PALD1: variants seen among roughly 807,000 people sequenced by gnomAD.
PALD1 encodes the protein paladin.
A neutral mutation model predicts 96.0 loss-of-function variants in PALD1; 57 were observed. The ratio of observed to expected loss-of-function variants is 0.59; its 90% confidence interval spans 0.48 to 0.74. The LOEUF is 0.74. PALD1 is among the 30% of genes least tolerant of loss of function. The pLI is 0.00. For missense variants in PALD1, 1,063 were observed against 1,143.7 expected (o/e 0.93, Z 1.02); for synonymous variants, 464 against 473.6 (o/e 0.98, Z 0.26).
chr10:70,500,176 C>T (rs1157262040), intron 1 of PALD1, among the ~76,000 whole-genome samples: 1 of 152,168 alleles, frequency 6.6e-6, no homozygotes, highest in African/African-American at 2.4e-5. Flanking sequence ...TACCTTGGCA[C>T]GTGGTACTAT....
chr10:70,548,514 C>G (rs1847412918), intron 18 of PALD1, among the ~76,000 whole-genome samples: 1 of 152,286 alleles, frequency 6.6e-6, no homozygotes, highest in East Asian at 1.9e-4. Flanking sequence ...TTCTGTTCCT[C>G]TCTGGCCCAT....
the PALD1 span, among the ~76,000 whole-genome samples, chr10:70,467,370 G>A: frequency 6.6e-6 from 1 of 151,582 alleles, no homozygotes; most frequent in Non-Finnish European, 1.5e-5. Flanking sequence ...GCAGTCCCCC[G>A]GGAGGAGGTA....
chr10:70,549,801 A>G (rs965319205), intron 18 of PALD1, among the ~76,000 whole-genome samples: 2 of 152,138 alleles, frequency 1.3e-5, no homozygotes, highest in African/African-American at 4.8e-5. Context: ...GGCATTGGAG[A>G]AGGAAGGTGG....
intron 18 of PALD1, among the ~76,000 whole-genome samples, chr10:70,557,814 G>A (rs1847640547): frequency 6.6e-6 from 1 of 152,164 alleles, no homozygotes; most frequent in Admixed American, 6.5e-5. Context: ...TCTGTTGAGT[G>A]GGTGAGCGAG....
upstream of PALD1, among the ~76,000 whole-genome samples, chr10:70,478,258 G>T (rs545261032): frequency 1.3e-5 from 2 of 152,338 alleles, no homozygotes; most frequent in East Asian, 3.9e-4. Context: ...CACGTGGGAG[G>T]CAAAAGTGCA....
intron 17 of PALD1, among the ~76,000 whole-genome samples, chr10:70,546,857 A>C (rs956699808): frequency 1.3e-5 from 2 of 152,188 alleles, no homozygotes; most frequent in Non-Finnish European, 2.9e-5. Flanking sequence ...AGGCTGGGGT[A>C]GGAGGATCAC....
chr10:70,537,756 A>C, intron 10 of PALD1, 55 bp from the exon 11 acceptor site: 1 of 1,209,046 alleles, frequency 8.3e-7, no homozygotes, highest in South Asian at 1.2e-5. Flanking sequence ...AGGGATGGGG[A>C]CAGGGACAAG....
chr10:70,561,803 G>T lies in PALD1; in HGVS notation c.2263-2561G>T, dbSNP rs372586946. Among the ~76,000 whole-genome samples the T allele has an allele frequency of 9.1e-4, 138 of 152,208 alleles. 3 individuals are homozygous for T. In the South Asian group the frequency reaches 0.028, roughly 30 times the overall value. On this transcript the variant is annotated intron_variant, in intron 18 of 19. Coordinates refer to ENST00000263563, the MANE Select transcript of PALD1 (RefSeq NM_014431.3). ...TTCCCTGGGGACTCACCTCATTCTCGGGCCCCCTTCCTGCCTTTCATGCCC... is the reference window on the plus strand; with the variant it reads ...TTCCCTGGGGACTCACCTCATTCTCTGGCCCCCTTCCTGCCTTTCATGCCC...
chr10:70,469,688 G>A, the PALD1 span, among the ~76,000 whole-genome samples: 2 of 152,036 alleles, frequency 1.3e-5, no homozygotes, highest in African/African-American at 4.8e-5. Context: ...ACTGAGTCAG[G>A]TCATGAGTTC....
At position 70,566,738 on chromosome 10, in the gene PALD1, C is replaced by T. The variant is rs763192416; in HGVS notation, c.*5C>T. 1.5e-5 allele frequency: 24 copies of T among 1,571,704 alleles called. No homozygotes were observed. In the Middle Eastern group the frequency reaches 5.9e-4, roughly 39 times the overall value. On this transcript the variant is annotated 3_prime_UTR_variant, in exon 20 of 20. Coordinates refer to ENST00000263563, the MANE Select transcript of PALD1 (RefSeq NM_014431.3). ...GCCCCCGAGGACTTGCTGTAGGGGG[C>T]CTTACTCCCTGTCCCCCCACCCACA...
At chr10:70,489,747 CCA>C (rs1564682581) in intron 1 of PALD1, among the ~76,000 whole-genome samples, 2 of 152,056 alleles carry the variant, frequency 1.3e-5, no homozygotes, top group Non-Finnish European at 2.9e-5. Context: ...TGTTGTCTCA[CCA>C]CAGTCTAATT....
intron 18 of PALD1, among the ~76,000 whole-genome samples, chr10:70,550,450 A>T (rs1589215397): frequency 6.6e-6 from 1 of 152,142 alleles, no homozygotes; most frequent in Non-Finnish European, 1.5e-5. Flanking sequence ...GCTGGCGGGG[A>T]CCACACTAGG....
chr10:70,534,018 A>G lies in PALD1; in HGVS notation c.967A>G (p.Met323Val). The change falls in exon 8 of 20, where the codon ATG becomes GTG. Residue 323 changes from methionine (M) to valine (V), a missense_variant. Transcript: ENST00000263563. ...GGGCGTGGGCAGGACCAACCTGGGC[A>G]TGGTCCTGGGCACCCTCATCCTGCT... Reference protein sequence around the residue: ...QMGVGRTNLGMVLGTLILLHR... With the variant: ...QMGVGRTNLGVVLGTLILLHR... 6.2e-7 allele frequency: 1 copy of G among 1,613,004 alleles called. No individual in the cohort carries two copies. The highest frequency in any genetic ancestry group is 8.5e-7 in the Non-Finnish European group (1 of 1,179,542).
chr10:70,497,020 C>A (rs1448332366), intron 1 of PALD1, among the ~76,000 whole-genome samples: 1 of 42,516 alleles, frequency 2.4e-5, no homozygotes, highest in Non-Finnish European at 1.5e-4. Flanking sequence ...ATTTCCAAGT[C>A]TCGTTTCACT....
intron 1 of PALD1, among the ~76,000 whole-genome samples, chr10:70,495,421 C>T (rs1004838851): frequency 6.6e-5 from 10 of 151,160 alleles, no homozygotes; most frequent in Non-Finnish European, 1.3e-4. Flanking sequence ...GTCAGTACTT[C>T]GCAGCTGTTT....
intron 1 of PALD1, among the ~76,000 whole-genome samples, chr10:70,507,192 G>A (rs1347469742): frequency 1.3e-5 from 2 of 151,534 alleles, no homozygotes; most frequent in African/African-American, 4.9e-5. Context: ...ACCTGAGATC[G>A]GGAGTTCAAG....
chr10:70,504,302 G>A (rs1846348068), intron 1 of PALD1, among the ~76,000 whole-genome samples: 1 of 152,178 alleles, frequency 6.6e-6, no homozygotes, highest in African/African-American at 2.4e-5. Context: ...TGAGGTGGGT[G>A]GATCACCTGA....
Position 70,539,341 on chromosome 10 carries a change from G to C in PALD1, c.1725+94G>C. On this transcript the variant is annotated intron_variant, in intron 14 of 19. Coordinates refer to ENST00000263563, the MANE Select transcript of PALD1 (RefSeq NM_014431.3). This position sits in a 1 kb window ranked among gnomAD's most constrained non-coding sequence, Gnocchi z 4.5. ...AGAAGGCCTCACACTCCCGCAGACA[G>C]ATGGAGAATCTGAGGCCCCGGGAGG... is the stretch of plus-strand genomic sequence containing the variant. 2 of 1,321,470 alleles carry C rather than the reference G, an allele frequency of 1.5e-6. No individual in the cohort carries two copies. The highest frequency in any genetic ancestry group is 2.0e-6 in the Non-Finnish European group (2 of 978,316). 81.9% of individuals were successfully genotyped at this position (1,321,470 alleles called of 1,614,324 possible). A position where few individuals can be genotyped will look rare whatever the true frequency, so the allele number is the denominator to read the frequency against.
At chr10:70,548,570 G>A (rs977793302) in intron 18 of PALD1, among the ~76,000 whole-genome samples, 1 of 152,204 alleles carries the variant, frequency 6.6e-6, no homozygotes, top group African/African-American at 2.4e-5. Context: ...TGAGTGGGAG[G>A]GGCAGTGGTG....
Sources: allele counts gnomAD v4.1 joint callset (sites outside exome capture counted in the v4.1 genomes callset), GRCh38; gene constraint gnomAD v4.1.1; non-coding constraint Gnocchi (gnomAD v3.1); transcripts MANE v1.5; gene names NCBI Gene and HGNC (gene_info 2026-07-23, HGNC 2026-07-21).